The following TMEFF2 variants were observed in gnomAD, a reference collection of about 807,000 sequenced individuals.
The protein encoded by TMEFF2 is transmembrane protein with EGF like and two follistatin like domains 2.
A neutral mutation model predicts 53.8 loss-of-function variants in TMEFF2; 28 were observed. That is an observed-to-expected ratio of 0.52 (90% CI 0.39 to 0.71). The LOEUF is 0.71. Ranked by LOEUF, TMEFF2 falls within the 30% of genes least tolerant of loss-of-function variation. The pLI, the probability that TMEFF2 is intolerant of heterozygous loss-of-function variation, is 0.00. For missense variants in TMEFF2, 353 were observed against 455.2 expected (o/e 0.78, Z 2.04); for synonymous variants, 162 against 166.3 (o/e 0.97, Z 0.20).
At chr2:192,075,323 A>AAATATAAATATATATATATC (rs1688403347) in intron 4 of TMEFF2, among the ~76,000 whole-genome samples, 1 of 93,652 alleles carries the variant, frequency 1.1e-5, no homozygotes, top group Admixed American at 1.1e-4. Context: ...ATATATATAT[A>AAATATAAATATATATATATC]TATATATATA....
chr2:191,989,556 A>G (rs1418026806), intron 7 of TMEFF2, among the ~76,000 whole-genome samples: 2 of 152,146 alleles, frequency 1.3e-5, no homozygotes, highest in African/African-American at 4.8e-5. Flanking sequence ...CAACTCTAGG[A>G]AGAGAAAACA....
intron 5 of TMEFF2, among the ~76,000 whole-genome samples, chr2:192,053,962 A>T (rs141416923): frequency 7.9e-5 from 12 of 152,282 alleles, no homozygotes; most frequent in African/African-American, 2.6e-4. Context: ...TGCACTTGTC[A>T]TTTCAGCACA....
chr2:191,992,605 A>G (rs1370165337), intron 7 of TMEFF2: 1 of 152,060 alleles, frequency 6.6e-6, no homozygotes. Context: ...AAATGAAGCA[A>G]TGTGAGTGAA....
chr2:192,028,767 C>A (rs1260086445), intron 5 of TMEFF2: 2 of 152,054 alleles, frequency 1.3e-5, no homozygotes, highest in Non-Finnish European at 2.9e-5. Context: ...CTATGAGATA[C>A]AAATTGTGTA....
Position 191,949,834 on chromosome 2 carries a change from C to T in TMEFF2, c.*477G>A, listed in dbSNP as rs527294397. ...CTCGATATAAAGTAAATTATTTTTT[C>T]TCTTTTCCAATAACCATCATTTCCC... On this transcript the variant is annotated 3_prime_UTR_variant, in exon 10 of 10. Coordinates refer to ENST00000272771, the MANE Select transcript of TMEFF2 (RefSeq NM_016192.4). 222 of 985,562 alleles carry T rather than the reference C, an allele frequency of 2.3e-4. No individual in the cohort carries two copies. The African/African-American group carries it at 3.8e-3, about 17-fold the overall frequency. 61.1% of individuals were successfully genotyped at this position (985,562 alleles called of 1,614,324 possible).
intron 4 of TMEFF2, among the ~76,000 whole-genome samples, chr2:192,142,443 CGTT>C (rs1240873395): frequency 6.6e-6 from 1 of 151,822 alleles, no homozygotes; most frequent in Non-Finnish European, 1.5e-5. Flanking sequence ...ACAAATTTCT[CGTT>C]GTTATAGATG....
At chr2:191,969,261 T>C (rs902062759) in intron 7 of TMEFF2, among the ~76,000 whole-genome samples, 1 of 152,042 alleles carries the variant, frequency 6.6e-6, no homozygotes, top group Non-Finnish European at 1.5e-5. Flanking sequence ...ATAGGAGATA[T>C]GTTTGGCAGC....
At chr2:192,036,737 C>G (rs984050671) in intron 5 of TMEFF2, 1 of 152,230 alleles carries the variant, frequency 6.6e-6, no homozygotes, top group Non-Finnish European at 1.5e-5. Flanking sequence ...CAGGCTAATC[C>G]CCAGTCTTGC....
intron 5 of TMEFF2, among the ~76,000 whole-genome samples, chr2:192,053,798 C>A (rs1156311551): frequency 6.6e-6 from 1 of 152,260 alleles, no homozygotes; most frequent in African/African-American, 2.4e-5. Flanking sequence ...TCTTACTTTA[C>A]AGCCTCTTTC....
Position 192,103,142 on chromosome 2 carries a change from T to G in TMEFF2, c.440-45367A>C, listed in dbSNP as rs576025633. ...TACTCACTGTCCTATAACTCAGTGTTTCATCGAACGTGGTACTTCTTGATC... is the reference window on the plus strand; with the variant it reads ...TACTCACTGTCCTATAACTCAGTGTGTCATCGAACGTGGTACTTCTTGATC... On this transcript the variant is annotated intron_variant, in intron 4 of 9. Coordinates refer to ENST00000272771, the MANE Select transcript of TMEFF2 (RefSeq NM_016192.4). 7.9e-5 allele frequency among the ~76,000 whole-genome samples: 12 copies of G among 152,316 alleles called. No homozygotes were observed. In the South Asian group the frequency reaches 2.5e-3, roughly 32 times the overall value.
At chr2:192,131,884 A>G (rs958961527) in intron 4 of TMEFF2, among the ~76,000 whole-genome samples, 1 of 152,098 alleles carries the variant, frequency 6.6e-6, no homozygotes, top group Non-Finnish European at 1.5e-5. Flanking sequence ...TTTCCATCCT[A>G]CAAGATCTAA....
At chr2:192,048,271 A>T (rs1428282719) in intron 5 of TMEFF2, among the ~76,000 whole-genome samples, 4 of 151,980 alleles carry the variant, frequency 2.6e-5, no homozygotes, top group Non-Finnish European at 4.4e-5. Flanking sequence ...CATTCCTAAC[A>T]ATCACCAAAT....
intron 7 of TMEFF2, among the ~76,000 whole-genome samples, chr2:191,993,905 T>C (rs1574273943): frequency 6.6e-6 from 1 of 152,108 alleles, no homozygotes; most frequent in East Asian, 1.9e-4. Context: ...CTATGCTAAA[T>C]AGTTCCTTTA....
At chr2:192,010,903 A>G (rs1686610648) in intron 5 of TMEFF2, among the ~76,000 whole-genome samples, 1 of 152,224 alleles carries the variant, frequency 6.6e-6, no homozygotes, top group Admixed American at 6.5e-5. Flanking sequence ...ACAAGAGGAC[A>G]TGTAAATCCT....
chr2:192,041,185 T>C (rs1003300638), intron 5 of TMEFF2, among the ~76,000 whole-genome samples: 7 of 152,100 alleles, frequency 4.6e-5, no homozygotes, highest in African/African-American at 1.4e-4. Flanking sequence ...TTCCACAAAA[T>C]AGAGAAACTA....
intron 4 of TMEFF2, among the ~76,000 whole-genome samples, chr2:192,096,488 A>G (rs1688906703): frequency 6.6e-6 from 1 of 152,052 alleles, no homozygotes; most frequent in African/African-American, 2.4e-5. Context: ...CCTACAAACA[A>G]TTTTGTTTTA....
chr2:192,078,474 G>C (rs1312865349), intron 4 of TMEFF2, among the ~76,000 whole-genome samples: 1 of 152,126 alleles, frequency 6.6e-6, no homozygotes, highest in Non-Finnish European at 1.5e-5. Context: ...ATTAATTCTA[G>C]TAGTTGGATC....
intron 4 of TMEFF2, among the ~76,000 whole-genome samples, chr2:192,169,420 G>T (rs1276591737): frequency 6.6e-6 from 1 of 152,114 alleles, no homozygotes; most frequent in Admixed American, 6.6e-5. Flanking sequence ...TCAAGTCTGA[G>T]GTAGAGAAAA....
chr2:192,134,618 G>C lies in TMEFF2; in HGVS notation c.439+45050C>G, dbSNP rs1249646468. On this transcript the variant is annotated intron_variant, in intron 4 of 9. Transcript: ENST00000272771. ...CCTCCCTTCCCTACACTTCAAGCTCGAAGCTTTGCCCCTGCCCAGGACTGG... is the reference window on the plus strand; with the variant it reads ...CCTCCCTTCCCTACACTTCAAGCTCCAAGCTTTGCCCCTGCCCAGGACTGG... 3.3e-5 allele frequency among the ~76,000 whole-genome samples: 5 copies of C among 152,136 alleles called. No homozygotes were observed. In the East Asian group the frequency reaches 9.7e-4, roughly 29 times the overall value.
Sources: gnomAD v4.1 joint callset for allele counts (sites outside exome capture counted in the v4.1 genomes callset) on GRCh38, gnomAD v4.1.1 for gene constraint, MANE v1.5 for transcripts, NCBI Gene and HGNC (gene_info 2026-07-23, HGNC 2026-07-21) for gene names.